TNKS: variants seen among roughly 807,000 people sequenced by gnomAD.
The protein encoded by TNKS is poly [ADP-ribose] polymerase tankyrase-1.
In TNKS, 72 loss-of-function variants were observed where a neutral mutation model predicts 135.8. The observed-to-expected ratio is 0.53, with a 90% CI of 0.44 to 0.64. The LOEUF (loss-of-function observed/expected upper bound fraction) is 0.64. Among genes scored for constraint, TNKS ranks in the 30% least tolerant of loss-of-function variants. TNKS has a pLI of 0.00. For synonymous variants in TNKS, 849 were observed against 649.3 expected, an observed-to-expected ratio of 1.31 and a Z score of -4.68; for missense variants, 1,769 against 1,674.0, an observed-to-expected ratio of 1.06 and a Z score of -0.99.
chr8:9,655,201 G>A (rs1042752526), intron 3 of TNKS, among the ~76,000 whole-genome samples: 8 of 152,194 alleles, frequency 5.3e-5, no homozygotes, highest in Non-Finnish European at 5.9e-5. Context: ...GGGGAGGGGC[G>A]CCCACCATTG....
chr8:9,574,982 T>TGACAGA, intron 1 of TNKS: 1 of 951,004 alleles, frequency 1.1e-6, no homozygotes, highest in Non-Finnish European at 1.3e-6. Context: ...ATGCTAAGAA[T>TGACAGA]GTGGAAAGAT....
At chr8:9,568,705 G>T (rs1335321762) in intron 1 of TNKS, among the ~76,000 whole-genome samples, 1 of 152,138 alleles carries the variant, frequency 6.6e-6, no homozygotes, top group Non-Finnish European at 1.5e-5. Context: ...TATTGTTTGG[G>T]TTAAAGTATA....
intron 2 of TNKS, among the ~76,000 whole-genome samples, chr8:9,581,745 C>T (rs1430039749): frequency 1.3e-5 from 2 of 152,196 alleles, no homozygotes; most frequent in African/African-American, 2.4e-5. Context: ...CTTCAGTCTT[C>T]TGTTTTCCTG....
rs1201841046 is a variant in TNKS at position 9,678,327 on chromosome 8, GT to G, written c.995-1621del. ...TAACTTCCATATTGCTACCTAAAAT[GT>G]TTAACAAAGGTAGGTCTTGGGCTTT... is the stretch of plus-strand genomic sequence containing the variant. On this transcript the variant is annotated intron_variant, in intron 3 of 26. Transcript: ENST00000310430. Among the ~76,000 whole-genome samples the G allele has an allele frequency of 2.6e-5, 4 of 152,166 alleles. No individual in the cohort carries two copies. In the East Asian group the frequency reaches 5.8e-4, roughly 22 times the overall value.
chr8:9,751,005 T>C (rs1202696413), intron 18 of TNKS, among the ~76,000 whole-genome samples: 2 of 152,196 alleles, frequency 1.3e-5, no homozygotes, highest in Non-Finnish European at 2.9e-5. Flanking sequence ...AGCCTCAGAA[T>C]GTCACTTCTT....
intron 17 of TNKS, among the ~76,000 whole-genome samples, chr8:9,746,881 C>CTTTTTTTTTTTTTTTTTTTTTTT (rs10672387): frequency 7.7e-5 from 9 of 117,188 alleles, no homozygotes; most frequent in African/African-American, 2.9e-4. Flanking sequence ...CCTACTTAAA[C>CTTTTTTTTTTTTTTTTTTTTTTT]TTTTTTTTTT....
rs1490689156 is a variant in TNKS at position 9,680,000 on chromosome 8, A to C, written c.1031+13A>C. On this transcript the variant is annotated intron_variant, in intron 4 of 26. Coordinates refer to ENST00000310430, the MANE Select transcript of TNKS (RefSeq NM_003747.3). ...TAGAAGCTGCTAGGTAAGTGATTCC[A>C]TTCATTTTAAGTGTATATAATGCAT... is the stretch of plus-strand genomic sequence containing the variant. 1 of 1,605,854 alleles carries C rather than the reference A, an allele frequency of 6.2e-7. No individual in the cohort carries two copies. Among genetic ancestry groups the C allele is most frequent in the South Asian group, 1.1e-5 (1 of 90,916 alleles).
chr8:9,770,037 G>T (rs1402252786), intron 25 of TNKS, 69 bp from the exon 26 acceptor site: 2 of 1,391,244 alleles, frequency 1.4e-6, no homozygotes, highest in African/African-American at 1.4e-5. Context: ...AAAATTAATA[G>T]ATCTAGCAGT....
At chr8:9,651,150 C>T (rs899396023) in intron 3 of TNKS, among the ~76,000 whole-genome samples, 2 of 151,910 alleles carry the variant, frequency 1.3e-5, no homozygotes, top group Non-Finnish European at 2.9e-5. Context: ...CTTTCTGGGT[C>T]CTCTCTTCTG....
intron 14 of TNKS, among the ~76,000 whole-genome samples, chr8:9,732,000 G>A (rs1281015192): frequency 6.6e-6 from 1 of 152,116 alleles, no homozygotes; most frequent in Non-Finnish European, 1.5e-5. Context: ...TGTTAGCCAG[G>A]ATGGTCTCAA....
intron 3 of TNKS, among the ~76,000 whole-genome samples, chr8:9,667,679 C>T (rs889785924): frequency 5.9e-5 from 9 of 152,128 alleles, no homozygotes; most frequent in African/African-American, 2.2e-4. Flanking sequence ...TTATGGTTTC[C>T]TCAAGAAGCA....
intron 1 of TNKS, among the ~76,000 whole-genome samples, chr8:9,575,611 C>G (rs1797917212): frequency 6.6e-6 from 1 of 152,092 alleles, no homozygotes; most frequent in East Asian, 1.9e-4. Flanking sequence ...GAAAGGTTTC[C>G]TTAAATTTTA....
intron 5 of TNKS, among the ~76,000 whole-genome samples, chr8:9,698,043 A>G (rs1056129087): frequency 2.0e-5 from 3 of 152,212 alleles, no homozygotes; most frequent in Non-Finnish European, 4.4e-5. Flanking sequence ...AATGTGGTAC[A>G]TATACACCAT....
intron 1 of TNKS, among the ~76,000 whole-genome samples, chr8:9,570,363 A>G (rs1304322600): frequency 6.6e-6 from 1 of 152,090 alleles, no homozygotes; most frequent in Non-Finnish European, 1.5e-5. Flanking sequence ...AGGCCAAAAA[A>G]GATCCCTGAG....
chr8:9,635,118 C>G (rs534643239), intron 3 of TNKS, among the ~76,000 whole-genome samples: 12 of 151,486 alleles, frequency 7.9e-5, no homozygotes, highest in African/African-American at 2.9e-4. Flanking sequence ...TGCAGTGAGC[C>G]GAGACCGCGC....
chr8:9,764,768 TC>T lies in TNKS; in HGVS notation c.3426del (p.Phe1142LeufsTer17). 1 of 1,598,068 alleles carries T rather than the reference TC, an allele frequency of 6.3e-7. No homozygotes were observed. Among genetic ancestry groups the T allele is most frequent in the Non-Finnish European group, 8.5e-7 (1 of 1,173,960 alleles). The part of the protein sequence containing the change: ...HRDGGNAGGI[F>X]NRYNVIRIQK... ...GATGGTGGTAATGCTGGCGGCATCT[TC>T]AACAGATACAATGTCATTCGAGTAA... On this transcript the variant is annotated frameshift_variant, in exon 23 of 27. Coordinates refer to ENST00000310430, the MANE Select transcript of TNKS (RefSeq NM_003747.3). LOFTEE classifies it high-confidence loss of function.
intron 26 of TNKS, among the ~76,000 whole-genome samples, chr8:9,772,763 T>C (rs1055225125): frequency 2.8e-4 from 42 of 151,416 alleles, no homozygotes; most frequent in Admixed American, 2.4e-3. Flanking sequence ...ACCATGATGA[T>C]GTATATAACT....
intron 2 of TNKS, among the ~76,000 whole-genome samples, chr8:9,590,859 C>T (rs774649208): frequency 1.3e-5 from 2 of 152,112 alleles, no homozygotes; most frequent in Admixed American, 6.5e-5. Context: ...TTTTCATTTT[C>T]GTGATATTGT....
chr8:9,610,620 C>T (rs1799425508), intron 2 of TNKS, among the ~76,000 whole-genome samples: 1 of 152,214 alleles, frequency 6.6e-6, no homozygotes. Flanking sequence ...ATTCAACGAA[C>T]TTGGTCCTTT....
Sources: gnomAD v4.1 joint callset for allele counts (sites outside exome capture counted in the v4.1 genomes callset) on GRCh38, gnomAD v4.1.1 for gene constraint, MANE v1.5 for transcripts, NCBI Gene and HGNC (gene_info 2026-07-23, HGNC 2026-07-21) for gene names.